Variants in SLC24A2 observed in about 807,000 individuals in gnomAD.
SLC24A2 encodes the protein sodium/potassium/calcium exchanger 2.
SLC24A2 carries 36 observed loss-of-function variants against 62.0 expected under a neutral mutation model. The observed-to-expected ratio is 0.58, with a 90% CI of 0.44 to 0.77. SLC24A2 has a LOEUF of 0.77. Among genes scored for constraint, SLC24A2 ranks in the 30% least tolerant of loss-of-function variants. The probability of loss-of-function intolerance (pLI) is 0.00; values close to 1 mark genes in which losing one functional copy is unlikely to be tolerated. For synonymous variants in SLC24A2, 358 were observed against 294.0 expected, an observed-to-expected ratio of 1.22 and a Z score of -2.23; for missense variants, 846 against 817.9, an observed-to-expected ratio of 1.03 and a Z score of -0.42.
At chr9:19,870,181 C>T in the SLC24A2 span, among the ~76,000 whole-genome samples, 1 of 152,144 alleles carries the variant, frequency 6.6e-6, no homozygotes, top group Admixed American at 6.5e-5. Context: ...AGTTATTCCT[C>T]ATTTTTCCCT....
At chr9:20,204,025 G>C in the SLC24A2 span, among the ~76,000 whole-genome samples, 26 of 152,092 alleles carry the variant, frequency 1.7e-4, no homozygotes, top group Admixed American at 1.3e-4. Context: ...TAATACAAAA[G>C]AAAATTCAAC....
the SLC24A2 span, among the ~76,000 whole-genome samples, chr9:20,030,357 G>A: frequency 6.6e-6 from 1 of 152,210 alleles, no homozygotes; most frequent in Non-Finnish European, 1.5e-5. Flanking sequence ...TATACTGAAG[G>A]GGAAGTCATA....
rs187008349 is a variant in SLC24A2, at chr9:19,717,262, T to A, written c.930+68675A>T. Among the ~76,000 whole-genome samples the A allele has an allele frequency of 3.7e-3, 571 of 152,312 alleles. 3 individuals carry two copies. Among genetic ancestry groups the A allele is most frequent in the African/African-American group, 0.013 (539 of 41,560 alleles). On this transcript the variant is annotated intron_variant, in intron 2 of 10. Coordinates refer to ENST00000341998, the MANE Select transcript of SLC24A2 (RefSeq NM_020344.4). ...TGAGCATATTGTGCTGGTTCACTGATTCTCAAGTTTTCAGAAAAGAAAATG... is the reference window on the plus strand; with the variant it reads ...TGAGCATATTGTGCTGGTTCACTGAATCTCAAGTTTTCAGAAAAGAAAATG...
chr9:19,939,883 TCCA>T, the SLC24A2 span, among the ~76,000 whole-genome samples: 2 of 152,184 alleles, frequency 1.3e-5, no homozygotes, highest in Non-Finnish European at 2.9e-5. Context: ...AAATCCCTTC[TCCA>T]GAAATCCCTG....
the SLC24A2 span, among the ~76,000 whole-genome samples, chr9:20,001,218 G>A: frequency 6.6e-6 from 1 of 152,220 alleles, no homozygotes; most frequent in Non-Finnish European, 1.5e-5. Flanking sequence ...CCAGCAATGA[G>A]TGGGCTGAGG....
chr9:19,612,867 G>A (rs537757563), intron 4 of SLC24A2, among the ~76,000 whole-genome samples: 5 of 152,218 alleles, frequency 3.3e-5, no homozygotes, highest in African/African-American at 9.6e-5. Context: ...AAAAACAACT[G>A]ATAAAAAACA....
At chr9:20,272,917 G>C in the SLC24A2 span, among the ~76,000 whole-genome samples, 4 of 152,174 alleles carry the variant, frequency 2.6e-5, no homozygotes, top group Non-Finnish European at 4.4e-5. Context: ...GCAAGTAAAG[G>C]TTAAGATCCC....
the SLC24A2 span, among the ~76,000 whole-genome samples, chr9:19,804,609 C>T: frequency 6.6e-6 from 1 of 152,038 alleles, no homozygotes; most frequent in Non-Finnish European, 1.5e-5. Context: ...TTTAATTCTT[C>T]CTTTGTAATG....
At chr9:19,702,744 G>A (rs1180921768) in intron 2 of SLC24A2, among the ~76,000 whole-genome samples, 3 of 152,114 alleles carry the variant, frequency 2.0e-5, no homozygotes, top group African/African-American at 4.8e-5. Context: ...TAACTACCAA[G>A]TGTTTTATCT....
At chr9:19,765,862 G>T (rs1326230569) in intron 2 of SLC24A2, among the ~76,000 whole-genome samples, 1 of 152,170 alleles carries the variant, frequency 6.6e-6, no homozygotes. Flanking sequence ...GGTTGGGGAA[G>T]TTCTCCTGGA....
At chr9:19,754,824 A>G (rs994670710) in intron 2 of SLC24A2, among the ~76,000 whole-genome samples, 4 of 152,100 alleles carry the variant, frequency 2.6e-5, no homozygotes, top group African/African-American at 9.7e-5. Context: ...CCTGCTCGAC[A>G]GGCAGAAGCA....
chr9:19,614,838 G>C (rs960574709), intron 4 of SLC24A2, among the ~76,000 whole-genome samples: 2 of 152,046 alleles, frequency 1.3e-5, no homozygotes, highest in African/African-American at 4.8e-5. Context: ...TGTTAAGCTT[G>C]AGTGAGGTCC....
At chr9:19,543,343 T>A (rs919312937) in intron 8 of SLC24A2, among the ~76,000 whole-genome samples, 2 of 152,086 alleles carry the variant, frequency 1.3e-5, no homozygotes, top group Non-Finnish European at 2.9e-5. Context: ...TGGCTAGCAG[T>A]CTATCCATTT....
At chr9:20,115,861 A>G in the SLC24A2 span, among the ~76,000 whole-genome samples, 2 of 152,260 alleles carry the variant, frequency 1.3e-5, no homozygotes, top group South Asian at 4.1e-4. Context: ...ATTTGAGACA[A>G]TTTTAAGCAA....
At chr9:20,156,765 G>T in the SLC24A2 span, among the ~76,000 whole-genome samples, 1 of 151,712 alleles carries the variant, frequency 6.6e-6, no homozygotes, top group Non-Finnish European at 1.5e-5. Flanking sequence ...TTAGAGTCTT[G>T]CACCCTTGCA....
the SLC24A2 span, among the ~76,000 whole-genome samples, chr9:20,028,400 C>T: frequency 6.6e-6 from 1 of 152,166 alleles, no homozygotes; most frequent in African/African-American, 2.4e-5. Flanking sequence ...TCCTCATTTC[C>T]TGTGAATAGT....
chr9:20,006,587 T>C, the SLC24A2 span, among the ~76,000 whole-genome samples: 3 of 151,988 alleles, frequency 2.0e-5, no homozygotes, highest in Non-Finnish European at 4.4e-5. Context: ...ACCCCATAAA[T>C]ATACAAAACT....
At chr9:19,855,891 G>C in the SLC24A2 span, among the ~76,000 whole-genome samples, 1 of 152,138 alleles carries the variant, frequency 6.6e-6, no homozygotes, top group Non-Finnish European at 1.5e-5. Context: ...TTTAAACTTG[G>C]TTCCATTCTC....
the SLC24A2 span, among the ~76,000 whole-genome samples, chr9:19,945,758 C>T: frequency 4.6e-5 from 7 of 152,192 alleles, no homozygotes; most frequent in African/African-American, 1.7e-4. Flanking sequence ...TTTGAGTTCC[C>T]AATTCTCAAC....
Sources: gnomAD v4.1 joint callset for allele counts (sites outside exome capture counted in the v4.1 genomes callset) on GRCh38, gnomAD v4.1.1 for gene constraint, MANE v1.5 for transcripts, NCBI Gene and HGNC (gene_info 2026-07-23, HGNC 2026-07-21) for gene names.